TAF2: variants seen among roughly 807,000 people sequenced by gnomAD.
TAF2 encodes the protein transcription initiation factor TFIID subunit 2.
Under a neutral mutation model 138.5 loss-of-function variants are expected in TAF2, and 61 were observed. The observed-to-expected ratio is 0.44, with a 90% CI of 0.36 to 0.54. The LOEUF (loss-of-function observed/expected upper bound fraction) is 0.54, where lower values mean the gene tolerates loss of function less well. Among genes scored for constraint, TAF2 ranks in the 20% least tolerant of loss-of-function variants. The pLI, the probability that TAF2 is intolerant of heterozygous loss-of-function variation, is 0.00. For synonymous variants in TAF2, 475 were observed against 469.9 expected (o/e 1.01, Z -0.14); for missense variants, 1,090 against 1,427.9 (o/e 0.76, Z 3.81).
chr8:119,749,061 CA>C (rs1180467364), intron 22 of TAF2, among the ~76,000 whole-genome samples: 4 of 152,148 alleles, frequency 2.6e-5, no homozygotes, highest in Non-Finnish European at 5.9e-5. Flanking sequence ...TCGATGATCT[CA>C]AAATGAGTCA....
chr8:119,781,181 T>C lies in TAF2; in HGVS notation c.2125A>G (p.Met709Val). ...CFCLAKIANS[M>V]VSTWTGPPAM... Reference sequence around the variant, plus strand: ...GGTGGTCCTGTCCATGTGCTCACCATTGAATTTGCAATCTGCAAATAATTA... The same window carrying C: ...GGTGGTCCTGTCCATGTGCTCACCACTGAATTTGCAATCTGCAAATAATTA... The change falls in exon 17 of 26, where the codon ATG (methionine) becomes GTG (valine). Residue 709 changes from methionine to valine, a missense_variant. By Grantham distance (21) the Met-to-Val change is conservative. This residue lies in a region of TAF2 where 580 missense variants were observed against 719.6 expected (regional missense o/e 0.81). Coordinates refer to ENST00000378164, the MANE Select transcript of TAF2 (RefSeq NM_003184.4). 1.2e-6 allele frequency: 2 copies of C among 1,614,132 alleles called. No homozygotes were observed. Among genetic ancestry groups the C allele is most frequent in the Non-Finnish European group, 1.7e-6 (2 of 1,180,014 alleles).
In TAF2 at chr8:119,742,650, G is replaced by C. The variant is rs776030738; in HGVS notation, c.3221C>G (p.Ser1074Trp). ...TCGGGAGCTAGCTGGCCGATATTTC[G>C]AGAGCCCTAAAATGCCAAACAAGAG... ...MLERPSTPGL[S>W]KYRPASSRSA... Residue 1074 changes from serine (S) to tryptophan (W), a missense_variant, in exon 25 of 26, where the codon TCG becomes TGG. Ser to Trp is a radical substitution (Grantham distance 177). Transcript: ENST00000378164. 2.5e-6 allele frequency: 4 copies of C among 1,613,576 alleles called. No homozygotes were observed. The highest frequency in any genetic ancestry group is 1.7e-4 in the Middle Eastern group (1 of 6,056).
At chr8:119,744,416 A>G in intron 23 of TAF2, 23 bp from the exon 24 acceptor site, 1 of 1,586,492 alleles carries the variant, frequency 6.3e-7, no homozygotes, top group Non-Finnish European at 8.6e-7. Flanking sequence ...CACATAAAAC[A>G]GAGGATAAAA....
chr8:119,774,914 G>A (rs1441304130), intron 18 of TAF2, among the ~76,000 whole-genome samples: 1 of 151,272 alleles, frequency 6.6e-6, no homozygotes, highest in Non-Finnish European at 1.5e-5. Context: ...CAACATACAT[G>A]GTAAAAACAA....
At chr8:119,772,156 C>T (rs1171379911) in intron 18 of TAF2, among the ~76,000 whole-genome samples, 7 of 152,130 alleles carry the variant, frequency 4.6e-5, no homozygotes, top group Non-Finnish European at 1.0e-4. Context: ...CATACCAAAA[C>T]CTCTTGGATA....
At chr8:119,744,172 AGCTG>A in intron 24 of TAF2, 112 bp downstream of exon 24, 3 of 987,134 alleles carry the variant, frequency 3.0e-6, no homozygotes, top group South Asian at 2.7e-5. Flanking sequence ...TAATATTTTA[AGCTG>A]GCTAATTTTA....
chr8:119,788,995 GCATTCCCAC>G (rs1586439462), intron 12 of TAF2, 91 bp from the exon 13 acceptor site: 2 of 865,388 alleles, frequency 2.3e-6, no homozygotes, highest in Non-Finnish European at 3.9e-6. Flanking sequence ...ATTTTCAAGT[GCATTCCCAC>G]CAGTTCAAAG....
intron 18 of TAF2, among the ~76,000 whole-genome samples, chr8:119,765,100 C>T (rs919789278): frequency 2.6e-5 from 4 of 152,012 alleles, no homozygotes; most frequent in East Asian, 3.9e-4. Context: ...ATAAGTTCTG[C>T]GGGCTTTGTG....
Position 119,762,589 on chromosome 8 carries a change from C to T in TAF2, c.2384G>A (p.Arg795His), listed in dbSNP as rs766433110. 62 of 1,612,018 alleles carry T rather than the reference C, an allele frequency of 3.8e-5. No individual in the cohort carries two copies. Among genetic ancestry groups the T allele is most frequent in the Non-Finnish European group, 4.4e-5 (52 of 1,179,092 alleles). The change falls in exon 19 of 26, where the codon CGT (arginine) becomes CAT (histidine). Residue 795 changes from arginine to histidine, a missense_variant. By Grantham distance (29) the Arg-to-His change is conservative. Around this residue, in one of 3 missense-constraint regions of TAF2, gnomAD observed 580 missense variants for 719.6 expected, o/e 0.81. Transcript: ENST00000378164. ...GGCCAGGGCATCAATCATTTCTGCACGATAATAGTTATCTGAAAACTAGGC... is the reference window on the plus strand; with the variant it reads ...GGCCAGGGCATCAATCATTTCTGCATGATAATAGTTATCTGAAAACTAGGC... Reference protein sequence around the residue: ...RKNKFSDNYYRAEMIDALANS... With the variant: ...RKNKFSDNYYHAEMIDALANS...
chr8:119,806,371 A>G lies in TAF2; in HGVS notation c.330T>C (p.Tyr110=), dbSNP rs768542715. 33 of 1,613,972 alleles carry G rather than the reference A, an allele frequency of 2.0e-5. No individual in the cohort carries two copies. Among genetic ancestry groups the G allele is most frequent in the East Asian group, 4.5e-5 (2 of 44,898 alleles). The change falls in exon 4 of 26, where the codon TAT becomes TAC. Residue 110 remains tyrosine, a synonymous_variant. Transcript: ENST00000378164. ...QRNLNYFSNA[Y]AAAVSAVDPD... is the part of the protein sequence containing the mutation. Reference sequence around the variant, plus strand: ...GGTCCACAGCACTAACTGCAGCTGCATAAGCATTGGAAAAATAATTGAGGT... The same window carrying G: ...GGTCCACAGCACTAACTGCAGCTGCGTAAGCATTGGAAAAATAATTGAGGT...
At chr8:119,732,872 C>T (rs565040854) in intron 25 of TAF2, among the ~76,000 whole-genome samples, 95 of 152,232 alleles carry the variant, frequency 6.2e-4, no homozygotes, top group African/African-American at 2.1e-3. Flanking sequence ...TTACATAACT[C>T]ACTCAATTGC....
At chr8:119,775,508 G>A (rs370238161) in intron 18 of TAF2, among the ~76,000 whole-genome samples, 10 of 151,752 alleles carry the variant, frequency 6.6e-5, no homozygotes, top group Middle Eastern at 3.4e-3. Context: ...TTCGAGACCA[G>A]CCTGGCCAAC....
intron 18 of TAF2, among the ~76,000 whole-genome samples, chr8:119,772,118 A>T (rs974227222): frequency 3.9e-5 from 6 of 152,168 alleles, no homozygotes; most frequent in African/African-American, 1.4e-4. Flanking sequence ...CAAGACAAAT[A>T]AAAAAAAGAA....
intron 21 of TAF2, among the ~76,000 whole-genome samples, chr8:119,757,563 A>G (rs1385963504): frequency 6.6e-6 from 1 of 151,370 alleles, no homozygotes; most frequent in African/African-American, 2.4e-5. Context: ...ATTACTCTAA[A>G]TGCCAAGTAA....
At chr8:119,770,061 A>G (rs796422108) in intron 18 of TAF2, among the ~76,000 whole-genome samples, 2 of 146,890 alleles carry the variant, frequency 1.4e-5, no homozygotes, top group Non-Finnish European at 3.0e-5. Context: ...GCAGCCCCCA[A>G]TTTTTTTTTT....
chr8:119,824,428 CA>C (rs71304910), intron 2 of TAF2, among the ~76,000 whole-genome samples: 76,037 of 125,382 alleles, frequency 0.61, 20,289 homozygotes, highest in Middle Eastern at 0.76. Context: ...GACTCCGTCT[CA>C]AAAAAAAAAA....
intron 3 of TAF2, among the ~76,000 whole-genome samples, chr8:119,808,718 T>C (rs977691060): frequency 5.3e-5 from 8 of 152,194 alleles, no homozygotes; most frequent in Non-Finnish European, 7.4e-5. Flanking sequence ...ATAAAAACAG[T>C]ATTAATCTCC....
intron 6 of TAF2, among the ~76,000 whole-genome samples, chr8:119,801,548 C>T (rs1297609374): frequency 6.6e-5 from 10 of 151,848 alleles, no homozygotes; most frequent in Non-Finnish European, 1.5e-4. Context: ...CCTGCCTCAG[C>T]CTCCCGAGTA....
chr8:119,798,109 A>G (rs1218166827), intron 6 of TAF2, among the ~76,000 whole-genome samples: 1 of 152,152 alleles, frequency 6.6e-6, no homozygotes, highest in East Asian at 1.9e-4. Flanking sequence ...TCTAGTTCCA[A>G]ATTCAATTAA....
Sources: gnomAD v4.1 joint callset for allele counts (sites outside exome capture counted in the v4.1 genomes callset) on GRCh38, gnomAD v4.1.1 for gene constraint, gnomAD v4.1.1 regional missense constraint, MANE v1.5 for transcripts, NCBI Gene and HGNC (gene_info 2026-07-23, HGNC 2026-07-21) for gene names.